DACH1: variants seen among roughly 807,000 people sequenced by gnomAD.
DACH1 encodes dachshund family transcription factor 1, also known as dachshund homolog 1.
DACH1 carries 12 observed loss-of-function variants against 54.2 expected under a neutral mutation model. That is an observed-to-expected ratio of 0.22 (90% CI 0.14 to 0.36). The LOEUF (loss-of-function observed/expected upper bound fraction) is 0.36, where lower values mean the gene tolerates loss of function less well. Among genes scored for constraint, DACH1 ranks in the 10% least tolerant of loss-of-function variants. The probability of loss-of-function intolerance (pLI) is 1.00; values close to 1 mark genes in which losing one functional copy is unlikely to be tolerated. For missense variants in DACH1, 805 were observed against 929.8 expected (o/e 0.87, Z 1.75); for synonymous variants, 386 against 366.2 (o/e 1.05, Z -0.62).
At chr13:71,841,528 A>G (rs1343451942) in intron 1 of DACH1, among the ~76,000 whole-genome samples, 1 of 152,182 alleles carries the variant, frequency 6.6e-6, no homozygotes. Context: ...GAATGCTTGC[A>G]TAGAAACACT....
chr13:71,700,157 T>C (rs952505476), intron 1 of DACH1, among the ~76,000 whole-genome samples: 2 of 152,022 alleles, frequency 1.3e-5, no homozygotes, highest in Non-Finnish European at 2.9e-5. Flanking sequence ...GCATCCTCCA[T>C]ATATGCTGAA....
At chr13:71,804,259 G>A (rs1346449668) in intron 1 of DACH1, among the ~76,000 whole-genome samples, 1 of 152,134 alleles carries the variant, frequency 6.6e-6, no homozygotes, top group Non-Finnish European at 1.5e-5. Flanking sequence ...GTTGCAGTGA[G>A]CCATGTTCGT....
At chr13:71,740,426 C>T (rs1183896414) in intron 1 of DACH1, among the ~76,000 whole-genome samples, 5 of 152,010 alleles carry the variant, frequency 3.3e-5, no homozygotes, top group Admixed American at 6.6e-5. Flanking sequence ...AAACATGAAG[C>T]ACAGGGAATT....
intron 2 of DACH1, among the ~76,000 whole-genome samples, chr13:71,660,087 T>C (rs868451700): frequency 6.7e-4 from 102 of 152,218 alleles, no homozygotes; most frequent in African/African-American, 2.4e-3. Context: ...CAAACAGCAT[T>C]GTACAAAACT....
At chr13:71,782,899 TAAG>T (rs1036227422) in intron 1 of DACH1, among the ~76,000 whole-genome samples, 60 of 152,138 alleles carry the variant, frequency 3.9e-4, no homozygotes, top group Admixed American at 2.0e-3. Flanking sequence ...TTCTTCAAAG[TAAG>T]AAGATTTCTT....
At chr13:71,707,353 C>A (rs1367512564) in intron 1 of DACH1, among the ~76,000 whole-genome samples, 1 of 152,180 alleles carries the variant, frequency 6.6e-6, no homozygotes, top group Non-Finnish European at 1.5e-5. Context: ...TGAATTCTTA[C>A]CATTTTAAAA....
chr13:71,689,572 C>G (rs1333749394), intron 1 of DACH1, among the ~76,000 whole-genome samples: 1 of 152,108 alleles, frequency 6.6e-6, no homozygotes, highest in Non-Finnish European at 1.5e-5. Flanking sequence ...ATTGTGGCCT[C>G]TGACCTCAAA....
chr13:71,544,850 G>A (rs552004326), intron 6 of DACH1, among the ~76,000 whole-genome samples: 1 of 152,054 alleles, frequency 6.6e-6, no homozygotes, highest in East Asian at 1.9e-4. Flanking sequence ...TCTCTGATCT[G>A]TGTGACTTTA....
At chr13:71,797,208 A>G (rs74099138) in intron 1 of DACH1, among the ~76,000 whole-genome samples, 2 of 152,250 alleles carry the variant, frequency 1.3e-5, no homozygotes, top group Non-Finnish European at 2.9e-5. Flanking sequence ...CTGCTTTAAT[A>G]TACACGCACT....
At chr13:71,495,464 T>C (rs1240227708) in intron 6 of DACH1, among the ~76,000 whole-genome samples, 1 of 152,004 alleles carries the variant, frequency 6.6e-6, no homozygotes, top group Admixed American at 6.6e-5. Context: ...CATATTAAAT[T>C]GGAGTAGAAG....
intron 1 of DACH1, among the ~76,000 whole-genome samples, chr13:71,756,911 T>C (rs536612725): frequency 4.1e-4 from 62 of 152,284 alleles, no homozygotes; most frequent in Middle Eastern, 3.4e-3. Context: ...GTTGTTCACT[T>C]GTGAGAATGA....
chr13:71,795,191 T>G, intron 1 of DACH1, among the ~76,000 whole-genome samples: 1 of 152,290 alleles, frequency 6.6e-6, no homozygotes, highest in South Asian at 2.1e-4. Flanking sequence ...CAAAATGTTT[T>G]TTTTTGTTTG....
chr13:71,827,154 G>A (rs1291019539), intron 1 of DACH1, among the ~76,000 whole-genome samples: 1 of 151,996 alleles, frequency 6.6e-6, no homozygotes, highest in Non-Finnish European at 1.5e-5. Context: ...CTGCCTTAGA[G>A]TCCAAACTCC....
At chr13:71,500,994 C>A (rs1380580967) in intron 6 of DACH1, among the ~76,000 whole-genome samples, 1 of 152,062 alleles carries the variant, frequency 6.6e-6, no homozygotes, top group Non-Finnish European at 1.5e-5. Flanking sequence ...AGTCTTTAAA[C>A]AATAGCTTAA....
Position 71,440,604 on chromosome 13 carries a change from T to A in DACH1, c.*51A>T, listed in dbSNP as rs1486371507. On this transcript the variant is annotated 3_prime_UTR_variant, in exon 11 of 11. Coordinates refer to ENST00000613252, the MANE Select transcript of DACH1 (RefSeq NM_080759.6). The stretch of plus-strand genomic sequence containing the variant: ...TTTCTGAACTTTCCCATGACGAATG[T>A]CTGACTGCAAAGTTCTTTTCTATAA... The A allele has an allele frequency of 1.4e-6, 2 of 1,465,848 alleles. No individual in the cohort carries two copies. The highest frequency in any genetic ancestry group is 4.7e-5 in the East Asian group (2 of 42,438). The allele number at this position is 1,465,848 out of a possible 1,614,324, so 90.8% of individuals were successfully genotyped here. A position where few individuals can be genotyped will look rare whatever the true frequency, so the allele number is the denominator to read the frequency against.
At chr13:71,589,653 T>C (rs945683858) in intron 3 of DACH1, among the ~76,000 whole-genome samples, 2 of 151,954 alleles carry the variant, frequency 1.3e-5, no homozygotes, top group East Asian at 1.9e-4. Context: ...AATTCATTGA[T>C]ATTGACGTTT....
chr13:71,625,585 G>A (rs1566387858), intron 3 of DACH1, among the ~76,000 whole-genome samples: 2 of 151,830 alleles, frequency 1.3e-5, no homozygotes, highest in African/African-American at 4.8e-5. Context: ...AAGAACTAAG[G>A]AGTGATAAAT....
intron 10 of DACH1, among the ~76,000 whole-genome samples, chr13:71,460,723 A>G (rs1875998328): frequency 6.6e-6 from 1 of 152,056 alleles, no homozygotes; most frequent in South Asian, 2.1e-4. Context: ...GTATTTTAAA[A>G]TCTCATTACA....
At chr13:71,782,059 C>A (rs999270582) in intron 1 of DACH1, among the ~76,000 whole-genome samples, 4 of 152,146 alleles carry the variant, frequency 2.6e-5, no homozygotes, top group East Asian at 3.8e-4. Context: ...ATCCTACAGA[C>A]CCTTAAGTTT....
Sources: gnomAD v4.1 joint callset for allele counts (sites outside exome capture counted in the v4.1 genomes callset) on GRCh38, gnomAD v4.1.1 for gene constraint, MANE v1.5 for transcripts, NCBI Gene and HGNC (gene_info 2026-07-23, HGNC 2026-07-21) for gene names.